ERCC8: variants seen among roughly 807,000 people sequenced by gnomAD.
The protein encoded by ERCC8 is ERCC excision repair 8, CSA ubiquitin ligase complex subunit.
In ERCC8, 52 loss-of-function variants were observed where a neutral mutation model predicts 54.9. That is an observed-to-expected ratio of 0.95 (90% CI 0.76 to 1.19). The LOEUF is 1.19. Among genes scored for constraint, ERCC8 ranks in the 50% most tolerant of loss-of-function variants. ERCC8 has a pLI of 0.00. For missense variants in ERCC8, 514 were observed against 466.1 expected, an observed-to-expected ratio of 1.10 and a Z score of -0.95; for synonymous variants, 146 against 157.2, an observed-to-expected ratio of 0.93 and a Z score of 0.53.
In ERCC8 at chr5:60,903,821, G is replaced by A. The variant is rs530365331; in HGVS notation, c.482-105C>T. ...ATGACATTTTCACTGTATCCATGCA[G>A]AAATATGAAGATATATGCCAAAATT... is the stretch of plus-strand genomic sequence containing the variant. On this transcript the variant is annotated intron_variant, in intron 5 of 11. Transcript: ENST00000676185. The A allele has an allele frequency of 1.8e-4, 202 of 1,111,554 alleles. 2 individuals are homozygous for A. The South Asian group carries it at 2.6e-3, about 14-fold the overall frequency. The allele number at this position is 1,111,554 out of a possible 1,614,324, so 68.9% of individuals were successfully genotyped here.
intron 3 of ERCC8, among the ~76,000 whole-genome samples, chr5:60,919,186 C>T (rs879865369): frequency 6.6e-6 from 1 of 151,842 alleles, no homozygotes; most frequent in Non-Finnish European, 1.5e-5. Flanking sequence ...AAGTCTTTAT[C>T]TTTTAGAGAT....
intron 11 of ERCC8, among the ~76,000 whole-genome samples, chr5:60,875,336 T>C (rs1396587836): frequency 1.3e-5 from 2 of 152,224 alleles, no homozygotes; most frequent in Non-Finnish European, 2.9e-5. Flanking sequence ...AACACGTTTA[T>C]AGTCAGCACA....
chr5:60,937,195 G>A (rs966212464), intron 1 of ERCC8, among the ~76,000 whole-genome samples: 1 of 152,222 alleles, frequency 6.6e-6, no homozygotes, highest in African/African-American at 2.4e-5. Flanking sequence ...GAGTGAAGTG[G>A]CCTCTATGAG....
Position 60,866,917 on chromosome 5 carries a change from T to C in ERCC8, c.*7698A>G, listed in dbSNP as rs1450476859. On this transcript the variant is annotated 3_prime_UTR_variant, in exon 12 of 12. Transcript: ENST00000676185. The stretch of plus-strand genomic sequence containing the variant: ...CGGAGTGCAGTGGCGCAATCTCGGC[T>C]TACTGCAAGCGCTGCCTCCGGGGTT... 6.6e-6 allele frequency: 1 copy of C among 152,186 alleles called. No individual in the cohort carries two copies. Among genetic ancestry groups the C allele is most frequent in the Non-Finnish European group, 1.5e-5 (1 of 68,062 alleles). 9.4% of individuals were successfully genotyped at this position (152,186 alleles called of 1,614,324 possible).
intron 6 of ERCC8, among the ~76,000 whole-genome samples, chr5:60,903,124 T>G (rs1270554813): frequency 6.6e-6 from 1 of 152,002 alleles, no homozygotes; most frequent in African/African-American, 2.4e-5. Context: ...GTTATGTGTT[T>G]CTTTGAGATC....
intron 3 of ERCC8, among the ~76,000 whole-genome samples, chr5:60,919,031 G>A (rs767402803): frequency 1.4e-4 from 22 of 152,114 alleles, no homozygotes; most frequent in Non-Finnish European, 2.4e-4. Flanking sequence ...CCAACATAGT[G>A]TGTTACCTAA....
chr5:60,884,036 A>G (rs991928503), intron 11 of ERCC8, among the ~76,000 whole-genome samples: 7 of 152,200 alleles, frequency 4.6e-5, no homozygotes, highest in Admixed American at 2.0e-4. Flanking sequence ...TGGGGAGGTA[A>G]CTCTCATCTG....
At chr5:60,905,018 A>C in intron 4 of ERCC8, 145 bp from the exon 5 acceptor site, 1 of 464,166 alleles carries the variant, frequency 2.2e-6, no homozygotes, top group South Asian at 3.2e-5. Flanking sequence ...GTAATACCCC[A>C]AAAAACCTTG....
intron 1 of ERCC8, among the ~76,000 whole-genome samples, chr5:60,930,780 T>A (rs1417515477): frequency 2.6e-5 from 4 of 151,902 alleles, no homozygotes; most frequent in Non-Finnish European, 4.4e-5. Flanking sequence ...AGTAATGAGT[T>A]ATCTGACTTT....
intron 1 of ERCC8, among the ~76,000 whole-genome samples, chr5:60,939,438 T>C (rs1270721377): frequency 1.3e-5 from 2 of 152,178 alleles, no homozygotes; most frequent in African/African-American, 4.8e-5. Flanking sequence ...ATATTTCTTC[T>C]GATAGACTGG....
In ERCC8 at chr5:60,871,865, A is replaced by T. The variant is rs1579976104; in HGVS notation, c.*2750T>A. Among the ~76,000 whole-genome samples the T allele has an allele frequency of 1.3e-5, 2 of 152,118 alleles. No homozygotes were observed. The highest frequency in any genetic ancestry group is 3.9e-4 in the East Asian group (2 of 5,192). ...ACCCAGGCTGGAGTGTAGTGACACGATCTTGGCTCAATGCAGCCGTGACTT... is the reference window on the plus strand; with the variant it reads ...ACCCAGGCTGGAGTGTAGTGACACGTTCTTGGCTCAATGCAGCCGTGACTT... On this transcript the variant is annotated 3_prime_UTR_variant, in exon 12 of 12. Transcript: ENST00000676185.
intron 9 of ERCC8, among the ~76,000 whole-genome samples, chr5:60,896,579 A>T (rs1748732293): frequency 6.6e-6 from 1 of 152,148 alleles, no homozygotes; most frequent in African/African-American, 2.4e-5. Context: ...GCCCTTTAAA[A>T]ATCTGAAGAC....
At chr5:60,919,453 G>C (rs763179626) in intron 3 of ERCC8, 2 of 151,874 alleles carry the variant, frequency 1.3e-5, no homozygotes, top group Non-Finnish European at 2.9e-5. Flanking sequence ...TTAAGATGAA[G>C]GTTTGGGACC....
intron 1 of ERCC8, among the ~76,000 whole-genome samples, chr5:60,939,473 T>C (rs899872671): frequency 1.4e-5 from 2 of 143,764 alleles, no homozygotes; most frequent in African/African-American, 4.9e-5. Context: ...CCGGTTGCAA[T>C]ACTTCTTTTT....
intron 4 of ERCC8, among the ~76,000 whole-genome samples, chr5:60,912,661 T>G (rs1451622630): frequency 6.6e-6 from 1 of 152,126 alleles, no homozygotes; most frequent in Non-Finnish European, 1.5e-5. Flanking sequence ...GGCATCCCTG[T>G]CTTGTGCCAG....
At chr5:60,877,363 GCT>G (rs1748045982) in intron 11 of ERCC8, among the ~76,000 whole-genome samples, 1 of 152,162 alleles carries the variant, frequency 6.6e-6, no homozygotes, top group Non-Finnish European at 1.5e-5. Context: ...GGCAATGCGG[GCT>G]CTTTTTTGGT....
At position 60,928,951 on chromosome 5, in the gene ERCC8, C is replaced by G. The variant is rs1159435781; in HGVS notation, c.86G>C (p.Gly29Ala). 1 of 1,589,138 alleles carries G rather than the reference C, an allele frequency of 6.3e-7. No individual in the cohort carries two copies. The highest frequency in any genetic ancestry group is 8.6e-7 in the Non-Finnish European group (1 of 1,159,382). The change falls in exon 2 of 12, where the codon GGA becomes GCA. Residue 29 changes from glycine to alanine, a missense_variant. Gly to Ala is a moderately conservative substitution (Grantham distance 60). Transcript: ENST00000676185. ...ATCTCTGTCTTTATTTAATTCCAGT[C>G]CCAAAACTCTTAAAAATAAAAGGGG... Reference protein sequence around the residue: ...RRAESTRRVLGLELNKDRDVE... With the variant: ...RRAESTRRVLALELNKDRDVE...
At chr5:60,939,607 C>T (rs745481102) in intron 1 of ERCC8, among the ~76,000 whole-genome samples, 8 of 152,048 alleles carry the variant, frequency 5.3e-5, no homozygotes, top group Non-Finnish European at 7.4e-5. Flanking sequence ...GCCTCAGCCA[C>T]GTGAGTAGCT....
intron 11 of ERCC8, 77 bp downstream of exon 11, chr5:60,887,361 GTC>G (rs1748424515): frequency 8.3e-7 from 1 of 1,210,938 alleles, no homozygotes; most frequent in Admixed American, 1.7e-5. Context: ...TGCTTTAAAA[GTC>G]TCTCTCACAT....
Sources: gnomAD v4.1 joint callset for allele counts (sites outside exome capture counted in the v4.1 genomes callset) on GRCh38, gnomAD v4.1.1 for gene constraint, MANE v1.5 for transcripts, NCBI Gene and HGNC (gene_info 2026-07-23, HGNC 2026-07-21) for gene names.